Variants in CNTN5 observed in about 807,000 individuals in gnomAD.
The protein encoded by CNTN5 is contactin 5.
In CNTN5, 77 loss-of-function variants were observed where a neutral mutation model predicts 129.1. The ratio of observed to expected loss-of-function variants is 0.60; its 90% CI spans 0.50 to 0.72. CNTN5 has a LOEUF of 0.72. Ranked by LOEUF, CNTN5 falls within the 30% of genes least tolerant of loss-of-function variation. The pLI is 0.00. For synonymous variants in CNTN5, 509 were observed against 465.6 expected, an observed-to-expected ratio of 1.09 and a Z score of -1.20; for missense variants, 1,478 against 1,328.8, an observed-to-expected ratio of 1.11 and a Z score of -1.75.
intron 3 of CNTN5, among the ~76,000 whole-genome samples, chr11:99,756,913 GTTT>G (rs72102158): frequency 0.014 from 2,030 of 143,122 alleles, 32 homozygotes; most frequent in African/African-American, 0.046. Context: ...ACAATAGAGG[GTTT>G]TTTTTTTTTT....
At chr11:99,427,955 G>A (rs551192524) in intron 2 of CNTN5, among the ~76,000 whole-genome samples, 39 of 151,686 alleles carry the variant, frequency 2.6e-4, no homozygotes, top group Non-Finnish European at 3.8e-4. Flanking sequence ...ACTTAATCAC[G>A]TAAAACTTTT....
At chr11:99,789,207 C>G (rs1427726893) in intron 3 of CNTN5, among the ~76,000 whole-genome samples, 2 of 151,858 alleles carry the variant, frequency 1.3e-5, no homozygotes, top group South Asian at 4.1e-4. Flanking sequence ...GATTATGAAA[C>G]AATTTGTAGA....
At chr11:99,282,504 G>GAA (rs532982165) in intron 1 of CNTN5, among the ~76,000 whole-genome samples, 5 of 152,116 alleles carry the variant, frequency 3.3e-5, no homozygotes, top group African/African-American at 1.2e-4. Context: ...AGGTGAGAGA[G>GAA]CGTGCACTGG....
intron 2 of CNTN5, among the ~76,000 whole-genome samples, chr11:99,385,789 A>T (rs1940889846): frequency 6.6e-6 from 1 of 152,124 alleles, no homozygotes; most frequent in South Asian, 2.1e-4. Context: ...CCATTTTCCC[A>T]TCTTTCCACA....
chr11:100,211,396 A>G (rs189943603), intron 15 of CNTN5, among the ~76,000 whole-genome samples: 3 of 152,234 alleles, frequency 2.0e-5, no homozygotes, highest in Admixed American at 2.0e-4. Context: ...ATGAAGAACG[A>G]TGTCAAATGA....
chr11:99,383,351 A>G (rs756604954), intron 2 of CNTN5, among the ~76,000 whole-genome samples: 43 of 152,318 alleles, frequency 2.8e-4, no homozygotes, highest in Non-Finnish European at 4.1e-4. Flanking sequence ...TGATGAACAG[A>G]AGAAAAAGGA....
chr11:100,094,281 A>G (rs556778990), intron 13 of CNTN5, among the ~76,000 whole-genome samples: 88 of 151,890 alleles, frequency 5.8e-4, no homozygotes, highest in Non-Finnish European at 1.0e-3. Context: ...TCTTCATCTC[A>G]TTGTGTATCT....
At chr11:99,970,237 A>G (rs1393702655) in intron 8 of CNTN5, among the ~76,000 whole-genome samples, 1 of 152,206 alleles carries the variant, frequency 6.6e-6, no homozygotes, top group Non-Finnish European at 1.5e-5. Flanking sequence ...GATGAATAGT[A>G]TTCCTATCCA....
chr11:99,238,518 G>A (rs529408968), intron 1 of CNTN5, among the ~76,000 whole-genome samples: 10 of 152,228 alleles, frequency 6.6e-5, no homozygotes, highest in African/African-American at 2.2e-4. Context: ...CTTAGTTTGA[G>A]AAATTCATTA....
rs77873891 is a variant in CNTN5 at position 99,827,110 on chromosome 11, C to G, written c.277+7345C>G. 2.6e-5 allele frequency among the ~76,000 whole-genome samples: 4 copies of G among 152,194 alleles called. No individual in the cohort carries two copies. The East Asian group carries it at 7.7e-4, about 29-fold the overall frequency. ...TGTTTTTGTTTGTTTTAATGCGAGACAGGGCTTCACTCTGTGGCCCAGGCT... is the reference window on the plus strand; with the variant it reads ...TGTTTTTGTTTGTTTTAATGCGAGAGAGGGCTTCACTCTGTGGCCCAGGCT... On this transcript the variant is annotated intron_variant, in intron 4 of 24. Transcript: ENST00000524871.
chr11:99,995,013 A>C (rs1277703877), intron 8 of CNTN5, among the ~76,000 whole-genome samples: 1 of 152,216 alleles, frequency 6.6e-6, no homozygotes, highest in Non-Finnish European at 1.5e-5. Flanking sequence ...TAAAGAGAGA[A>C]GAAGTCGTTA....
chr11:99,168,342 G>C (rs921155676), intron 1 of CNTN5, among the ~76,000 whole-genome samples: 1 of 152,054 alleles, frequency 6.6e-6, no homozygotes, highest in African/African-American at 2.4e-5. Flanking sequence ...GGCCGGGGGG[G>C]TGGGGGGACG....
intron 4 of CNTN5, among the ~76,000 whole-genome samples, chr11:99,837,306 AC>A (rs1947337637): frequency 6.6e-6 from 1 of 152,210 alleles, no homozygotes; most frequent in Non-Finnish European, 1.5e-5. Context: ...AACTCTGGAC[AC>A]TATAACAAAT....
chr11:99,377,731 C>T (rs1940271482), intron 2 of CNTN5, among the ~76,000 whole-genome samples: 1 of 152,074 alleles, frequency 6.6e-6, no homozygotes, highest in South Asian at 2.1e-4. Context: ...TCTGGAGGTA[C>T]ATCTTTGGTT....
intron 3 of CNTN5, among the ~76,000 whole-genome samples, chr11:99,671,625 T>G (rs2135947681): frequency 6.6e-6 from 1 of 152,286 alleles, no homozygotes; most frequent in South Asian, 2.1e-4. Flanking sequence ...TATCGAATTT[T>G]TTGGAAACAT....
intron 15 of CNTN5, among the ~76,000 whole-genome samples, chr11:100,215,761 G>T (rs1485889114): frequency 2.6e-5 from 4 of 152,124 alleles, no homozygotes; most frequent in Non-Finnish European, 5.9e-5. Context: ...AGTATTGGCA[G>T]GTATTGTACT....
At chr11:99,685,942 T>A (rs1953772101) in intron 3 of CNTN5, among the ~76,000 whole-genome samples, 1 of 152,040 alleles carries the variant, frequency 6.6e-6, no homozygotes, top group Non-Finnish European at 1.5e-5. Flanking sequence ...CACTTCATAG[T>A]TTATTAGTCA....
At chr11:100,223,104 C>A (rs1050172196) in intron 15 of CNTN5, among the ~76,000 whole-genome samples, 34 of 152,214 alleles carry the variant, frequency 2.2e-4, no homozygotes, top group Non-Finnish European at 4.1e-4. Context: ...TTAAAAGTAG[C>A]AATTTATCCC....
intron 9 of CNTN5, among the ~76,000 whole-genome samples, chr11:100,058,883 G>T (rs921809059): frequency 6.6e-6 from 1 of 152,076 alleles, no homozygotes; most frequent in Non-Finnish European, 1.5e-5. Context: ...CACAAATTAG[G>T]ACTTTGCTGA....
Sources: allele counts gnomAD v4.1 joint callset (sites outside exome capture counted in the v4.1 genomes callset), GRCh38; gene constraint gnomAD v4.1.1; transcripts MANE v1.5; gene names NCBI Gene and HGNC (gene_info 2026-07-23, HGNC 2026-07-21).